PDGFC: variants seen among roughly 807,000 people sequenced by gnomAD.
The protein encoded by PDGFC is platelet-derived growth factor C.
A neutral mutation model predicts 35.5 loss-of-function variants in PDGFC; 12 were observed. The ratio of observed to expected loss-of-function variants is 0.34; its 90% CI spans 0.22 to 0.55. The LOEUF is 0.55. Among genes scored for constraint, PDGFC ranks in the 20% least tolerant of loss-of-function variants. The probability of loss-of-function intolerance (pLI) is 0.91; values close to 1 mark genes in which losing one functional copy is unlikely to be tolerated. For synonymous variants in PDGFC, 159 were observed against 148.8 expected (o/e 1.07, Z -0.50); for missense variants, 322 against 412.4 (o/e 0.78, Z 1.90).
chr4:156,811,660 C>T (rs1001486138), intron 2 of PDGFC, among the ~76,000 whole-genome samples: 4 of 152,162 alleles, frequency 2.6e-5, no homozygotes, highest in Non-Finnish European at 5.9e-5. Flanking sequence ...GGAACCAGTT[C>T]GTACATATTT....
At chr4:156,788,676 T>C (rs1406514878) in intron 3 of PDGFC, among the ~76,000 whole-genome samples, 1 of 152,188 alleles carries the variant, frequency 6.6e-6, no homozygotes, top group African/African-American at 2.4e-5. Context: ...GTAGAGTTTC[T>C]GAGAAATCAG....
Position 156,809,198 on chromosome 4 carries a change from A to G in PDGFC, c.495+1639T>C, listed in dbSNP as rs138845929. Among the ~76,000 whole-genome samples the G allele has an allele frequency of 2.7e-4, 41 of 152,132 alleles. 1 individual carries two copies. The highest frequency in any genetic ancestry group is 8.9e-4 in the African/African-American group (37 of 41,528). ...TTGACAATAGCCCATTGAAGTCCAT[A>G]TTGACAATTTACCAATCATTGTTAA... On this transcript the variant is annotated intron_variant, in intron 3 of 5. Coordinates refer to ENST00000502773, the MANE Select transcript of PDGFC (RefSeq NM_016205.3).
intron 1 of PDGFC, among the ~76,000 whole-genome samples, chr4:156,924,423 A>G (rs761093709): frequency 2.0e-4 from 31 of 152,182 alleles, no homozygotes; most frequent in Non-Finnish European, 1.2e-4. Flanking sequence ...GGGGAAAAAA[A>G]TGTTTTTAAA....
At chr4:156,912,570 G>A (rs1177650857) in intron 1 of PDGFC, among the ~76,000 whole-genome samples, 1 of 151,866 alleles carries the variant, frequency 6.6e-6, no homozygotes, top group East Asian at 1.9e-4. Context: ...GTATGTGGAG[G>A]GCAAAGCCAC....
At chr4:156,771,506 C>T (rs1276981578) in intron 4 of PDGFC, among the ~76,000 whole-genome samples, 1 of 152,128 alleles carries the variant, frequency 6.6e-6, no homozygotes, top group African/African-American at 2.4e-5. Context: ...TATGTAACAG[C>T]TTTCAGCATC....
chr4:156,952,906 G>C (rs1371314070), intron 1 of PDGFC, among the ~76,000 whole-genome samples: 1 of 151,858 alleles, frequency 6.6e-6, no homozygotes, highest in Non-Finnish European at 1.5e-5. Flanking sequence ...GAAAGAATAT[G>C]ATACAGAAAA....
At chr4:156,943,231 G>A (rs1731856433) in intron 1 of PDGFC, among the ~76,000 whole-genome samples, 2 of 152,010 alleles carry the variant, frequency 1.3e-5, no homozygotes, top group South Asian at 4.1e-4. Context: ...CTTAGGCAGG[G>A]AATTAATACC....
At chr4:156,844,140 T>A (rs1729269570) in intron 2 of PDGFC, among the ~76,000 whole-genome samples, 1 of 152,190 alleles carries the variant, frequency 6.6e-6, no homozygotes, top group South Asian at 2.1e-4. Context: ...AAATTTTCCA[T>A]CACCACAGAA....
chr4:156,944,429 C>T (rs1731886920), intron 1 of PDGFC, among the ~76,000 whole-genome samples: 1 of 152,074 alleles, frequency 6.6e-6, no homozygotes, highest in Admixed American at 6.6e-5. Context: ...TCTTTCTCTT[C>T]TATTGATCTA....
In PDGFC at chr4:156,762,426, C is replaced by T. The variant is rs985039554; in HGVS notation, c.*664G>A. On this transcript the variant is annotated 3_prime_UTR_variant, in exon 6 of 6. Coordinates refer to ENST00000502773, the MANE Select transcript of PDGFC (RefSeq NM_016205.3). ...TATCGATAAAGTGAAGATAAGGCCA[C>T]TCTTCTTTTCAGGTTTATCTCTTCC... is the stretch of plus-strand genomic sequence containing the variant. 2 of 152,520 alleles carry T rather than the reference C, an allele frequency of 1.3e-5. No homozygotes were observed. Among genetic ancestry groups the T allele is most frequent in the African/African-American group, 4.8e-5 (2 of 41,418 alleles). The allele number at this position is 152,520 out of a possible 1,614,324, so 9.4% of individuals were successfully genotyped here.
intron 1 of PDGFC, among the ~76,000 whole-genome samples, chr4:156,901,106 T>C (rs1730764172): frequency 6.6e-6 from 1 of 152,216 alleles, no homozygotes; most frequent in Non-Finnish European, 1.5e-5. Flanking sequence ...TCTCAAATTG[T>C]ATCATGCACA....
chr4:156,805,748 C>G (rs1329470969), intron 3 of PDGFC, among the ~76,000 whole-genome samples: 1 of 152,028 alleles, frequency 6.6e-6, no homozygotes, highest in African/African-American at 2.4e-5. Flanking sequence ...TGGCATATGT[C>G]AGAAGGGATG....
chr4:156,773,369 G>T (rs1256566893), intron 3 of PDGFC, among the ~76,000 whole-genome samples: 2 of 151,984 alleles, frequency 1.3e-5, no homozygotes, highest in African/African-American at 4.8e-5. Flanking sequence ...TGACATTAAA[G>T]AACTTATTAA....
At chr4:156,764,855 G>A (rs989412119) in intron 5 of PDGFC, among the ~76,000 whole-genome samples, 3 of 152,118 alleles carry the variant, frequency 2.0e-5, no homozygotes, top group African/African-American at 7.2e-5. Flanking sequence ...GATTGGGTGG[G>A]TGGGTAAGAT....
intron 1 of PDGFC, among the ~76,000 whole-genome samples, chr4:156,897,465 C>A (rs1426558484): frequency 6.6e-6 from 1 of 151,926 alleles, no homozygotes; most frequent in Non-Finnish European, 1.5e-5. Context: ...TCTACACATA[C>A]ACTTTCTGGC....
chr4:156,955,421 G>C (rs907210513), intron 1 of PDGFC, among the ~76,000 whole-genome samples: 1 of 152,008 alleles, frequency 6.6e-6, no homozygotes, highest in Non-Finnish European at 1.5e-5. Flanking sequence ...ACTACGTGAG[G>C]TGATGGATAA....
intron 1 of PDGFC, among the ~76,000 whole-genome samples, chr4:156,853,623 C>A (rs920114953): frequency 3.9e-5 from 6 of 152,074 alleles, no homozygotes; most frequent in African/African-American, 1.4e-4. Context: ...ACAGAAGGAA[C>A]TATAAAGTTA....
intron 1 of PDGFC, among the ~76,000 whole-genome samples, chr4:156,884,770 C>T (rs1236911531): frequency 6.6e-6 from 1 of 152,088 alleles, no homozygotes; most frequent in Non-Finnish European, 1.5e-5. Flanking sequence ...TACACTGATA[C>T]CACATATACA....
chr4:156,930,042 G>T (rs1731515401), intron 1 of PDGFC, among the ~76,000 whole-genome samples: 1 of 152,144 alleles, frequency 6.6e-6, no homozygotes, highest in Non-Finnish European at 1.5e-5. Flanking sequence ...TGACTAACTG[G>T]ATTGATTTGT....
Sources: allele counts gnomAD v4.1 joint callset (sites outside exome capture counted in the v4.1 genomes callset), GRCh38; gene constraint gnomAD v4.1.1; transcripts MANE v1.5; gene names NCBI Gene and HGNC (gene_info 2026-07-23, HGNC 2026-07-21).